ACO1: variants seen among roughly 807,000 people sequenced by gnomAD.
The protein encoded by ACO1 is aconitase 1.
A neutral mutation model predicts 105.1 loss-of-function variants in ACO1; 78 were observed. That is an observed-to-expected ratio of 0.74 (90% CI 0.62 to 0.90). ACO1 has a LOEUF of 0.90. Ranked by LOEUF, ACO1 falls within the 40% of genes least tolerant of loss-of-function variation. The probability of loss-of-function intolerance (pLI) is 0.00; values close to 1 mark genes in which losing one functional copy is unlikely to be tolerated. For missense variants in ACO1, 965 were observed against 1,111.1 expected (o/e 0.87, Z 1.87); for synonymous variants, 364 against 397.4 (o/e 0.92, Z 1.00).
At chr9:32,427,500 G>T (rs1172435634) in intron 12 of ACO1, 64 bp downstream of exon 12, 1 of 1,595,560 alleles carries the variant, frequency 6.3e-7, no homozygotes, top group Non-Finnish European at 8.6e-7. Context: ...GTATCTTGCT[G>T]TGTCACCTTG....
chr9:32,418,760 G>T (rs761276187), intron 6 of ACO1, among the ~76,000 whole-genome samples: 2 of 152,134 alleles, frequency 1.3e-5, no homozygotes, highest in Non-Finnish European at 1.5e-5. Flanking sequence ...ATCACCTGGG[G>T]TGTTAAAAAT....
intron 11 of ACO1, 89 bp downstream of exon 11, chr9:32,426,086 A>C: frequency 7.3e-7 from 1 of 1,362,178 alleles, no homozygotes; most frequent in East Asian, 2.3e-5. Flanking sequence ...GCGGAGTTGT[A>C]CATGTAGTTC....
At chr9:32,440,632 T>C (rs562232970) in intron 19 of ACO1, 45 bp downstream of exon 19, 2 of 1,598,316 alleles carry the variant, frequency 1.3e-6, no homozygotes, top group African/African-American at 2.7e-5. Flanking sequence ...CCCTCTGAAC[T>C]GGGAGGGTCC....
In ACO1 at chr9:32,431,893, G is replaced by C. The variant is rs72561739; in HGVS notation, c.1851+50G>C. On this transcript the variant is annotated intron_variant, in intron 15 of 20. Transcript: ENST00000309951. ...GCCCCAGAGGATCTAAGGGAAAGCT[G>C]CTCCCTTTGTGTCCTGTCTGCAGAC... 2.4e-3 allele frequency: 3,877 copies of C among 1,605,732 alleles called. 38 individuals are homozygous for C. The highest frequency in any genetic ancestry group is 0.019 in the Middle Eastern group (112 of 5,980).
intron 1 of ACO1, among the ~76,000 whole-genome samples, chr9:32,401,342 T>TC (rs1209751172): frequency 4.0e-5 from 6 of 149,240 alleles, no homozygotes; most frequent in Non-Finnish European, 9.0e-5. Context: ...GTTTTTTTTT[T>TC]CCCCCTGAGG....
intron 1 of ACO1, among the ~76,000 whole-genome samples, chr9:32,390,572 T>C (rs1032671266): frequency 3.3e-5 from 5 of 152,240 alleles, no homozygotes; most frequent in African/African-American, 1.2e-4. Flanking sequence ...ACAAAGAAGA[T>C]ACTCAAGAAA....
At chr9:32,418,625 G>T in intron 6 of ACO1, 114 bp downstream of exon 6, 1 of 1,211,216 alleles carries the variant, frequency 8.3e-7, no homozygotes, top group South Asian at 1.6e-5. Flanking sequence ...AGGTATGTTT[G>T]TCAGTTTTGT....
rs2118600778 is a variant in ACO1 at position 32,452,087 on chromosome 9, C to CAA, written c.*1978_*1979dup. The CAA allele has an allele frequency of 6.7e-6, 1 of 149,854 alleles. No individual in the cohort carries two copies. Among genetic ancestry groups the CAA allele is most frequent in the South Asian group, 2.1e-4 (1 of 4,758 alleles). The allele number at this position is 149,854 out of a possible 1,614,324, so 9.3% of individuals were successfully genotyped here. ...CTCAAAAAAAAAAAAAAATTACAAA[C>CAA]AAACAGAACTCCATTGTACAAAAAA... On this transcript the variant is annotated 3_prime_UTR_variant, in exon 21 of 21. Transcript: ENST00000309951.
intron 1 of ACO1, among the ~76,000 whole-genome samples, chr9:32,392,675 C>G (rs886465655): frequency 2.0e-5 from 3 of 152,226 alleles, no homozygotes; most frequent in Admixed American, 1.3e-4. Flanking sequence ...AACACAGAAG[C>G]TATTCGAGAC....
chr9:32,409,323 C>T (rs1006113800), intron 4 of ACO1, among the ~76,000 whole-genome samples: 1 of 152,182 alleles, frequency 6.6e-6, no homozygotes, highest in African/African-American at 2.4e-5. Flanking sequence ...TCTCAGCTCC[C>T]TGAATGCAAG....
At chr9:32,424,302 T>C (rs904169382) in intron 9 of ACO1, among the ~76,000 whole-genome samples, 1 of 152,226 alleles carries the variant, frequency 6.6e-6, no homozygotes, top group African/African-American at 2.4e-5. Context: ...CACCCTGTTC[T>C]TTCTGAGAGG....
chr9:32,422,313 T>G (rs909522376), intron 8 of ACO1, among the ~76,000 whole-genome samples: 1 of 152,212 alleles, frequency 6.6e-6, no homozygotes, highest in African/African-American at 2.4e-5. Flanking sequence ...TAAGAAAGAT[T>G]TCTCCTGTTC....
At chr9:32,390,582 A>G (rs75744399) in intron 1 of ACO1, among the ~76,000 whole-genome samples, 4,011 of 152,366 alleles carry the variant, frequency 0.026, 172 homozygotes, top group African/African-American at 0.093. Flanking sequence ...TACTCAAGAA[A>G]TACATGCTAA....
Position 32,431,615 on chromosome 9 carries a change from G to C in ACO1, c.1727-104G>C. 2.4e-6 allele frequency: 3 copies of C among 1,275,870 alleles called. No individual in the cohort carries two copies. The South Asian group carries it at 4.1e-5, about 17-fold the overall frequency. 79.0% of individuals were successfully genotyped at this position (1,275,870 alleles called of 1,614,324 possible). Reference sequence around the variant, plus strand: ...TATCCAGTCATTCAGTGTTCACACGGGCTTTATAGAACATAACTACCGAGG... The same window carrying C: ...TATCCAGTCATTCAGTGTTCACACGCGCTTTATAGAACATAACTACCGAGG... On this transcript the variant is annotated intron_variant, in intron 14 of 20. Transcript: ENST00000309951.
intron 15 of ACO1, among the ~76,000 whole-genome samples, chr9:32,432,771 A>C (rs1302672667): frequency 6.6e-6 from 1 of 152,232 alleles, no homozygotes; most frequent in Admixed American, 6.5e-5. Context: ...ATAGCAATAG[A>C]TATAGTGAGT....
Position 32,405,514 on chromosome 9 carries a change from A to G in ACO1, c.8A>G (p.Asn3Ser), listed in dbSNP as rs1250987818. The G allele has an allele frequency of 6.2e-7, 1 of 1,613,090 alleles. No individual in the cohort carries two copies. MS[N>S]PFAHLAEPLD... ...ACGTGGCCATCAGTAATCATGAGCA[A>G]CCCATTCGCACACCTTGCTGAGCCA... The change falls in exon 2 of 21, where the codon AAC becomes AGC. Residue 3 changes from asparagine to serine, a missense_variant. By Grantham distance (46) the Asn-to-Ser change is conservative. Coordinates refer to ENST00000309951, the MANE Select transcript of ACO1 (RefSeq NM_002197.3).
chr9:32,403,361 T>C (rs1398081689), intron 1 of ACO1, among the ~76,000 whole-genome samples: 1 of 152,244 alleles, frequency 6.6e-6, no homozygotes, highest in African/African-American at 2.4e-5. Flanking sequence ...TCTTCCCTTC[T>C]GCAGATAGAA....
intron 1 of ACO1, among the ~76,000 whole-genome samples, chr9:32,396,945 A>G (rs573744985): frequency 5.3e-4 from 81 of 152,314 alleles, no homozygotes; most frequent in African/African-American, 1.8e-3. Flanking sequence ...GAAAAGTTAT[A>G]TGGCTAATTC....
At chr9:32,392,739 G>A (rs1400803356) in intron 1 of ACO1, among the ~76,000 whole-genome samples, 2 of 152,216 alleles carry the variant, frequency 1.3e-5, no homozygotes, top group Non-Finnish European at 2.9e-5. Context: ...ACTGTTGCGG[G>A]AGGTCAGGGA....
Sources: gnomAD v4.1 joint callset for allele counts (sites outside exome capture counted in the v4.1 genomes callset) on GRCh38, gnomAD v4.1.1 for gene constraint, MANE v1.5 for transcripts, NCBI Gene and HGNC (gene_info 2026-07-23, HGNC 2026-07-21) for gene names.